Variants in DYNC1I1 observed in about 807,000 individuals in gnomAD.
The protein encoded by DYNC1I1 is dynein cytoplasmic 1 intermediate chain 1.
Under a neutral mutation model 86.6 loss-of-function variants are expected in DYNC1I1, and 43 were observed. The ratio of observed to expected loss-of-function variants is 0.50; its 90% CI spans 0.39 to 0.64. DYNC1I1 has a LOEUF of 0.64. DYNC1I1 is among the 30% of genes least tolerant of loss of function. The probability of loss-of-function intolerance (pLI) is 0.00; values close to 1 mark genes in which losing one functional copy is unlikely to be tolerated. For synonymous variants in DYNC1I1, 262 were observed against 283.7 expected, an observed-to-expected ratio of 0.92 and a Z score of 0.77; for missense variants, 604 against 788.8, an observed-to-expected ratio of 0.77 and a Z score of 2.81.
At chr7:95,845,163 T>C (rs185820543) in intron 5 of DYNC1I1, among the ~76,000 whole-genome samples, 35 of 152,320 alleles carry the variant, frequency 2.3e-4, no homozygotes, top group African/African-American at 8.2e-4. Flanking sequence ...CTTCTTTCTC[T>C]AAACTGTCTT....
At chr7:95,849,302 A>G (rs940804492) in intron 5 of DYNC1I1, among the ~76,000 whole-genome samples, 1 of 152,128 alleles carries the variant, frequency 6.6e-6, no homozygotes, top group Non-Finnish European at 1.5e-5. Flanking sequence ...CTTGTCCAGA[A>G]CAATGTCACG....
At chr7:95,865,264 G>C (rs1011551135) in intron 5 of DYNC1I1, among the ~76,000 whole-genome samples, 1 of 152,160 alleles carries the variant, frequency 6.6e-6, no homozygotes, top group Admixed American at 6.5e-5. Flanking sequence ...AAGCATTATA[G>C]TTCAGTAATT....
intron 4 of DYNC1I1, among the ~76,000 whole-genome samples, chr7:95,822,615 G>T (rs577773785): frequency 2.2e-4 from 34 of 152,118 alleles, no homozygotes; most frequent in African/African-American, 7.7e-4. Flanking sequence ...TCCAGAGTAG[G>T]TACAGAATTA....
downstream of DYNC1I1, among the ~76,000 whole-genome samples, chr7:96,101,893 G>T (rs765706617): frequency 3.3e-5 from 5 of 152,066 alleles, no homozygotes; most frequent in Non-Finnish European, 7.4e-5. Context: ...GCAGAGATTG[G>T]TGCCACTCTT....
chr7:95,910,584 G>A (rs937731998), intron 6 of DYNC1I1, among the ~76,000 whole-genome samples: 2 of 152,160 alleles, frequency 1.3e-5, no homozygotes, highest in African/African-American at 2.4e-5. Flanking sequence ...CAGGTGTGCT[G>A]GGGCCAGTAA....
intron 1 of DYNC1I1, among the ~76,000 whole-genome samples, chr7:95,776,644 C>T (rs1044925069): frequency 5.3e-5 from 8 of 152,172 alleles, no homozygotes; most frequent in Non-Finnish European, 1.0e-4. Context: ...GCCAAGCTAT[C>T]CTACCAGTGG....
intron 6 of DYNC1I1, among the ~76,000 whole-genome samples, chr7:95,932,236 T>C (rs1330015976): frequency 6.6e-6 from 1 of 152,172 alleles, no homozygotes; most frequent in African/African-American, 2.4e-5. Context: ...TTGAAAGGAA[T>C]GCAGCAATAA....
intron 6 of DYNC1I1, among the ~76,000 whole-genome samples, chr7:95,957,282 A>G (rs1342955888): frequency 2.0e-5 from 3 of 152,210 alleles, no homozygotes; most frequent in South Asian, 2.1e-4. Context: ...GAAATTCAGT[A>G]TCAGTGGCAT....
At chr7:95,847,588 A>G (rs1299692908) in intron 5 of DYNC1I1, among the ~76,000 whole-genome samples, 2 of 152,116 alleles carry the variant, frequency 1.3e-5, no homozygotes, top group South Asian at 2.1e-4. Flanking sequence ...ACTTTTAATA[A>G]CTCCTCACTG....
At position 95,940,450 on chromosome 7, in the gene DYNC1I1, T is replaced by G. The variant is rs867552075; in HGVS notation, c.491-37062T>G. On this transcript the variant is annotated intron_variant, in intron 6 of 16. Transcript: ENST00000447467. ...TCAGGTACACCAATCAGACACAGAT[T>G]TGGTCTTTTCACATAGTCCCATATT... 7.2e-5 allele frequency among the ~76,000 whole-genome samples: 11 copies of G among 152,352 alleles called. 1 individual carries two copies. Among genetic ancestry groups the G allele is most frequent in the African/African-American group, 2.2e-4 (9 of 41,586 alleles).
chr7:95,817,795 A>C (rs796760197), intron 4 of DYNC1I1, among the ~76,000 whole-genome samples: 18 of 152,342 alleles, frequency 1.2e-4, no homozygotes, highest in African/African-American at 4.3e-4. Flanking sequence ...GAATCGATCT[A>C]AGTGAAAATC....
chr7:96,072,659 T>C (rs1318294905), intron 14 of DYNC1I1, among the ~76,000 whole-genome samples: 2 of 152,210 alleles, frequency 1.3e-5, no homozygotes, highest in East Asian at 3.8e-4. Flanking sequence ...TGCAGTATTC[T>C]AAAATGAGTG....
At chr7:95,966,043 C>T (rs974356815) in intron 6 of DYNC1I1, among the ~76,000 whole-genome samples, 20 of 152,156 alleles carry the variant, frequency 1.3e-4, no homozygotes, top group Non-Finnish European at 2.8e-4. Context: ...GAGAGGAGTT[C>T]ACTTTCCTGA....
intron 2 of DYNC1I1, among the ~76,000 whole-genome samples, chr7:95,809,486 G>A (rs545451188): frequency 5.4e-4 from 82 of 152,262 alleles, no homozygotes; most frequent in Middle Eastern, 6.8e-3. Flanking sequence ...ACACATCAAC[G>A]TGATGTTATC....
intron 4 of DYNC1I1, among the ~76,000 whole-genome samples, chr7:95,826,847 G>A: frequency 6.6e-6 from 1 of 152,288 alleles, no homozygotes; most frequent in African/African-American, 2.4e-5. Flanking sequence ...TAAGGAGTAT[G>A]CAGAGTTGAC....
At chr7:96,071,575 AC>A (rs1790160906) in intron 14 of DYNC1I1, among the ~76,000 whole-genome samples, 1 of 152,108 alleles carries the variant, frequency 6.6e-6, no homozygotes, top group Admixed American at 6.5e-5. Context: ...ACAGGTCTTT[AC>A]CTTCTGACAT....
intron 10 of DYNC1I1, 50 bp downstream of exon 10, chr7:95,996,123 A>G (rs1025025443): frequency 6.2e-7 from 1 of 1,611,566 alleles, no homozygotes; most frequent in African/African-American, 1.3e-5. Flanking sequence ...TAGACCAAAT[A>G]TAGTTTGTGC....
chr7:96,106,693 T>G (rs1350647109), intron 16 of DYNC1I1, among the ~76,000 whole-genome samples: 1 of 152,234 alleles, frequency 6.6e-6, no homozygotes, highest in South Asian at 2.1e-4. Flanking sequence ...AGAAGTGTTT[T>G]GTTTAACTTC....
At chr7:95,929,919 A>T (rs991823802) in intron 6 of DYNC1I1, among the ~76,000 whole-genome samples, 1 of 152,230 alleles carries the variant, frequency 6.6e-6, no homozygotes, top group Non-Finnish European at 1.5e-5. Flanking sequence ...CTGCTGATAG[A>T]CCTTGGGAAG....
Sources: gnomAD v4.1 joint callset for allele counts (sites outside exome capture counted in the v4.1 genomes callset) on GRCh38, gnomAD v4.1.1 for gene constraint, MANE v1.5 for transcripts, NCBI Gene and HGNC (gene_info 2026-07-23, HGNC 2026-07-21) for gene names.